Variants in RRP1 observed in about 807,000 individuals in gnomAD.
RRP1 encodes the protein ribosomal RNA processing 1.
In RRP1, 37 loss-of-function variants were observed where a neutral mutation model predicts 54.6. The observed-to-expected ratio is 0.68, with a 90% CI of 0.52 to 0.89. The LOEUF (loss-of-function observed/expected upper bound fraction) is 0.89, where lower values mean the gene tolerates loss of function less well. Among genes scored for constraint, RRP1 ranks in the 40% least tolerant of loss-of-function variants. RRP1 has a pLI of 0.00. For synonymous variants in RRP1, 262 were observed against 244.3 expected, an observed-to-expected ratio of 1.07 and a Z score of -0.67; for missense variants, 639 against 612.5, an observed-to-expected ratio of 1.04 and a Z score of -0.46.
chr21:43,791,183 C>T (rs2084953410), intron 1 of RRP1, 167 bp from the exon 2 acceptor site: 2 of 714,922 alleles, frequency 2.8e-6, no homozygotes, highest in Middle Eastern at 2.6e-4. Flanking sequence ...GCGGCAGGTT[C>T]TGGGTTAGAA....
intron 11 of RRP1, among the ~76,000 whole-genome samples, chr21:43,801,092 C>T (rs1381958038): frequency 6.6e-6 from 1 of 152,122 alleles, no homozygotes; most frequent in Admixed American, 6.5e-5. Context: ...CTTGAGTGTC[C>T]ATTGGAGTGC....
In RRP1 at chr21:43,800,546, G is replaced by A. The variant is rs759932357; in HGVS notation, c.921G>A (p.Leu307=). ...ACTACGAGGCAGTTGCTAACAGACT[G>A]TTTGAAATGGCCAGCCGCCAGAGCA... ...QFDYEAVANR[L]FEMASRQSTP... is the part of the protein sequence containing the mutation. The change falls in exon 10 of 13, where the codon CTG becomes CTA. Residue 307 remains leucine (L), a synonymous_variant. Coordinates refer to ENST00000497547, the MANE Select transcript of RRP1 (RefSeq NM_003683.6). 4 of 1,614,256 alleles carry A rather than the reference G, an allele frequency of 2.5e-6. No individual in the cohort carries two copies. In the South Asian group the frequency reaches 3.3e-5, roughly 13 times the overall value.
chr21:43,802,397 G>C lies in RRP1; in HGVS notation c.1123+10G>C. The C allele has an allele frequency of 6.2e-7, 1 of 1,608,386 alleles. No individual in the cohort carries two copies. The highest frequency in any genetic ancestry group is 8.5e-7 in the Non-Finnish European group (1 of 1,175,128). On this transcript the variant is annotated intron_variant, in intron 12 of 12. Transcript: ENST00000497547. ...TTGCAGCAGGAGAGAGGTAGGACTA[G>C]GGGGTGTGTTAGTCATGGAGCCGGC...
At chr21:43,790,113 C>G (rs925951913) in intron 1 of RRP1, among the ~76,000 whole-genome samples, 2 of 152,238 alleles carry the variant, frequency 1.3e-5, no homozygotes, top group Non-Finnish European at 2.9e-5. Flanking sequence ...CCACTGTTTG[C>G]AGTTTTCTGT....
intron 1 of RRP1, 185 bp from the exon 2 acceptor site, chr21:43,791,165 C>G: frequency 3.0e-6 from 2 of 666,468 alleles, no homozygotes; most frequent in Non-Finnish European, 5.5e-6. Context: ...AGCCGCATAG[C>G]CACAGGCGCG....
rs551764515 is a variant in RRP1 at position 43,797,914 on chromosome 21, G to C, written c.625G>C (p.Val209Leu). ...CTCTGCTCTGCCCCTCAGTTCCTTGGTTTTGAACAACATCACTCGAGGCAT... is the reference window on the plus strand; with the variant it reads ...CTCTGCTCTGCCCCTCAGTTCCTTGCTTTTGAACAACATCACTCGAGGCAT... ...RIAARTKDSL[V>L]LNNITRGIFE... The change falls in exon 8 of 13, where the codon GTT (valine) becomes CTT (leucine). Residue 209 changes from valine to leucine, a missense_variant. Coordinates refer to ENST00000497547, the MANE Select transcript of RRP1 (RefSeq NM_003683.6). 9 of 1,613,860 alleles carry C rather than the reference G, an allele frequency of 5.6e-6. No homozygotes were observed. The African/African-American group carries it at 1.1e-4, about 19-fold the overall frequency.
chr21:43,791,412 C>T lies in RRP1; in HGVS notation c.196C>T (p.Gln66Ter), dbSNP rs761619063. Residue 66 changes from glutamine (Q) to a stop codon, truncating the protein, a stop_gained, in exon 2 of 13, where the codon CAG becomes TAG. Coordinates refer to ENST00000497547, the MANE Select transcript of RRP1 (RefSeq NM_003683.6). LOFTEE classifies it high-confidence loss of function. ...AGGACTGTTTTATTGCATGTGGATG[C>T]AGGACAAGCCACTCCTCCAGGTGAG... ...WKGLFYCMWM[Q>*]DKPLLQEELG... The T allele has an allele frequency of 3.7e-6, 6 of 1,613,728 alleles. No individual in the cohort carries two copies. Among genetic ancestry groups the T allele is most frequent in the Non-Finnish European group, 5.1e-6 (6 of 1,179,914 alleles).
At chr21:43,803,014 G>A (rs763482377) in intron 12 of RRP1, among the ~76,000 whole-genome samples, 1 of 152,222 alleles carries the variant, frequency 6.6e-6, no homozygotes, top group Non-Finnish European at 1.5e-5. Context: ...CCCCACACTG[G>A]GAAGCCTTCC....
intron 1 of RRP1, chr21:43,791,015 G>T (rs751515225): frequency 2.1e-6 from 1 of 479,196 alleles, no homozygotes; most frequent in Non-Finnish European, 4.1e-6. Context: ...ATCACCAACA[G>T]ATTAACCTTG....
chr21:43,803,975 G>A lies in RRP1; in HGVS notation c.*201G>A, dbSNP rs567037348. The A allele has an allele frequency of 1.1e-5, 7 of 623,632 alleles. No individual in the cohort carries two copies. The highest frequency in any genetic ancestry group is 4.4e-4 in the Middle Eastern group (1 of 2,256). 38.6% of individuals were successfully genotyped at this position (623,632 alleles called of 1,614,324 possible). A position where few individuals can be genotyped will look rare whatever the true frequency, so the allele number is the denominator to read the frequency against. ...AACTGGACCTTTCCCCAGAGCCTCC[G>A]CCTGTGGCTGTGATGACCTTGGGCC... On this transcript the variant is annotated 3_prime_UTR_variant, in exon 13 of 13. Transcript: ENST00000497547.
In RRP1 at chr21:43,799,529, G is replaced by A. The variant is rs201692370; in HGVS notation, c.812-41G>A. On this transcript the variant is annotated intron_variant, in intron 8 of 12. Coordinates refer to ENST00000497547, the MANE Select transcript of RRP1 (RefSeq NM_003683.6). ...TCCTGGATGTTTGGGGCCAGCACAC[G>A]TTGGGCACAGGTAGGGTTCACGGGG... is the stretch of plus-strand genomic sequence containing the variant. The A allele has an allele frequency of 1.1e-4, 177 of 1,586,694 alleles. 1 individual carries two copies. The Admixed American group carries it at 1.4e-3, about 13-fold the overall frequency.
At chr21:43,792,946 G>A (rs2084975718) in intron 3 of RRP1, 2 of 588,342 alleles carry the variant, frequency 3.4e-6, no homozygotes, top group Non-Finnish European at 6.0e-6. Context: ...CCCTCATTTC[G>A]AGCCTAATGG....
At chr21:43,803,327 C>G (rs2085111863) in intron 12 of RRP1, among the ~76,000 whole-genome samples, 185 bp from the exon 13 acceptor site, 1 of 152,216 alleles carries the variant, frequency 6.6e-6, no homozygotes, top group Non-Finnish European at 1.5e-5. Context: ...TCAGCCCTTG[C>G]TGAGGTCCTG....
intron 1 of RRP1, chr21:43,790,658 G>A (rs1601864628): frequency 9.3e-6 from 2 of 215,962 alleles, no homozygotes; most frequent in East Asian, 1.3e-4. Flanking sequence ...CACGATTACA[G>A]CTCACTGCAG....
chr21:43,800,994 G>T, intron 11 of RRP1, 113 bp downstream of exon 11: 1 of 1,163,234 alleles, frequency 8.6e-7, no homozygotes, highest in Non-Finnish European at 1.3e-6. Context: ...TTTGCAGAGA[G>T]GCCTGGTGGT....
At position 43,797,893 on chromosome 21, in the gene RRP1, G is replaced by T; in HGVS notation, c.618-14G>T. ...ATAACGGGCCTGCTCACCGGCCTCTGCTCTGCCCCTCAGTTCCTTGGTTTT... is the reference window on the plus strand; with the variant it reads ...ATAACGGGCCTGCTCACCGGCCTCTTCTCTGCCCCTCAGTTCCTTGGTTTT... On this transcript the variant is annotated splice_polypyrimidine_tract_variant and intron_variant, in intron 7 of 12. Coordinates refer to ENST00000497547, the MANE Select transcript of RRP1 (RefSeq NM_003683.6). 1 of 1,610,168 alleles carries T rather than the reference G, an allele frequency of 6.2e-7. No homozygotes were observed. The highest frequency in any genetic ancestry group is 8.5e-7 in the Non-Finnish European group (1 of 1,177,356).
At chr21:43,800,747 C>T (rs1051875504) in intron 10 of RRP1, 115 bp from the exon 11 acceptor site, 42 of 1,533,958 alleles carry the variant, frequency 2.7e-5, no homozygotes, top group South Asian at 6.7e-5. Flanking sequence ...ACCCTGAGAC[C>T]GTCCCCAGCC....
rs769218144 is a variant in RRP1, at chr21:43,789,607, A to T, written c.-23A>T. On this transcript the variant is annotated 5_prime_UTR_variant, in exon 1 of 13. Transcript: ENST00000497547. Reference sequence around the variant, plus strand: ...GCTGGGTACCAGGCGACTCCGGGACAGGGGGTCTCGGCCGTCGGCGTCATG... The same window carrying T: ...GCTGGGTACCAGGCGACTCCGGGACTGGGGGTCTCGGCCGTCGGCGTCATG... The T allele has an allele frequency of 5.0e-6, 8 of 1,584,194 alleles. No individual in the cohort carries two copies. In the South Asian group the frequency reaches 9.2e-5, roughly 18 times the overall value.
At chr21:43,799,771 G>A (rs73224970) in intron 9 of RRP1, 122 bp downstream of exon 9, 59,308 of 918,034 alleles carry the variant, frequency 0.065, 2,480 homozygotes, top group South Asian at 0.14. Flanking sequence ...AGAGTTACCC[G>A]GACAGGGGTT....
Sources: gnomAD v4.1 joint callset for allele counts (sites outside exome capture counted in the v4.1 genomes callset) on GRCh38, gnomAD v4.1.1 for gene constraint, MANE v1.5 for transcripts, NCBI Gene and HGNC (gene_info 2026-07-23, HGNC 2026-07-21) for gene names.